The following QKI variants were observed in gnomAD, a reference collection of about 807,000 sequenced individuals.
QKI encodes the protein KH domain-containing RNA-binding protein QKI.
QKI carries 10 observed loss-of-function variants against 39.0 expected under a neutral mutation model. The ratio of observed to expected loss-of-function variants is 0.26; its 90% CI spans 0.16 to 0.43. The LOEUF (loss-of-function observed/expected upper bound fraction) is 0.43, where lower values mean the gene tolerates loss of function less well. QKI is among the 20% of genes least tolerant of loss of function. The pLI is 1.00. For missense variants in QKI, 218 were observed against 428.0 expected (o/e 0.51, Z 4.33); for synonymous variants, 204 against 155.4 (o/e 1.31, Z -2.33).
rs1210349402 is a variant in QKI, at chr6:163,575,594, A to G, written c.*4884A>G. The G allele has an allele frequency of 6.6e-6, 1 of 152,204 alleles. No individual in the cohort carries two copies. Among genetic ancestry groups the G allele is most frequent in the East Asian group, 1.9e-4 (1 of 5,198 alleles). 9.4% of individuals were successfully genotyped at this position (152,204 alleles called of 1,614,324 possible). ...ACTTAACATGAAAGTAGTTACTCCC[A>G]TACGCACCAGTGCAGTAGCTCCAGG... On this transcript the variant is annotated 3_prime_UTR_variant, in exon 8 of 8. Coordinates refer to ENST00000361752, the MANE Select transcript of QKI (RefSeq NM_006775.3).
chr6:163,564,603 T>C, intron 6 of QKI: 16 of 1,610,354 alleles, frequency 9.9e-6, no homozygotes, highest in Non-Finnish European at 1.4e-5. Flanking sequence ...TATAAACGCT[T>C]GGTTTTACAT....
At chr6:163,508,205 G>GAA (rs201473017) in intron 3 of QKI, among the ~76,000 whole-genome samples, 2 of 151,618 alleles carry the variant, frequency 1.3e-5, no homozygotes, top group Admixed American at 1.3e-4. Flanking sequence ...AAATAAGACT[G>GAA]AAAAAAAATA....
chr6:163,431,107 G>A (rs1229734266), intron 1 of QKI, among the ~76,000 whole-genome samples: 1 of 152,076 alleles, frequency 6.6e-6, no homozygotes, highest in African/African-American at 2.4e-5. Context: ...GTGGAGGCAG[G>A]TTTAAACAAT....
At position 163,478,847 on chromosome 6, in the gene QKI, G is replaced by C. The variant is rs757904409; in HGVS notation, c.353G>C (p.Gly118Ala). The C allele has an allele frequency of 9.9e-5, 159 of 1,613,270 alleles. No individual in the cohort carries two copies. The highest frequency in any genetic ancestry group is 1.3e-4 in the Non-Finnish European group (158 of 1,179,750). The change falls in exon 3 of 8, where the codon GGA becomes GCA. Residue 118 changes from glycine to alanine, a missense_variant. Coordinates refer to ENST00000361752, the MANE Select transcript of QKI (RefSeq NM_006775.3). ...LTAKQLEAETGCKIMVRGKGS... is the reference protein window; with the variant it reads ...LTAKQLEAETACKIMVRGKGS... ...GCCAAACAACTTGAAGCAGAAACCGGATGTAAAATCATGGTCCGAGGCAAA... is the reference window on the plus strand; with the variant it reads ...GCCAAACAACTTGAAGCAGAAACCGCATGTAAAATCATGGTCCGAGGCAAA...
Position 163,419,121 on chromosome 6 carries a change from T to C in QKI, c.142+3786T>C, listed in dbSNP as rs548153927. Reference sequence around the variant, plus strand: ...CATTTTCTGATGGTCTTTTTGTGTTTACAGTAAACTTTCTGTCTGACCTCA... The same window carrying C: ...CATTTTCTGATGGTCTTTTTGTGTTCACAGTAAACTTTCTGTCTGACCTCA... On this transcript the variant is annotated intron_variant, in intron 1 of 7. Transcript: ENST00000361752. 2.6e-5 allele frequency among the ~76,000 whole-genome samples: 4 copies of C among 152,288 alleles called. No homozygotes were observed. The South Asian group carries it at 8.3e-4, about 32-fold the overall frequency.
chr6:163,499,394 G>T (rs2128231052), intron 3 of QKI, among the ~76,000 whole-genome samples: 1 of 152,272 alleles, frequency 6.6e-6, no homozygotes, highest in East Asian at 1.9e-4. Context: ...GATAGTCATT[G>T]ACTCATCACT....
At chr6:163,499,131 C>G (rs558452202) in intron 3 of QKI, among the ~76,000 whole-genome samples, 1 of 152,102 alleles carries the variant, frequency 6.6e-6, no homozygotes, top group South Asian at 2.1e-4. Flanking sequence ...CATTTTGAAG[C>G]GTTTTGTTTT....
chr6:163,434,075 T>G (rs1466256430), intron 1 of QKI, among the ~76,000 whole-genome samples: 1 of 150,040 alleles, frequency 6.7e-6, no homozygotes, highest in Non-Finnish European at 1.5e-5. Flanking sequence ...TTCAACAAAC[T>G]TTTTTTTTTA....
intron 3 of QKI, among the ~76,000 whole-genome samples, chr6:163,518,130 T>C (rs1779942029): frequency 6.6e-6 from 1 of 152,190 alleles, no homozygotes; most frequent in South Asian, 2.1e-4. Flanking sequence ...TTGTGTAATC[T>C]AGAGAGATGT....
At position 163,522,397 on chromosome 6, in the gene QKI, A is replaced by C. The variant is rs2294705; in HGVS notation, c.403-12585A>C. On this transcript the variant is annotated intron_variant, in intron 3 of 7. Coordinates refer to ENST00000361752, the MANE Select transcript of QKI (RefSeq NM_006775.3). ...AATGAATACGTGAGTGAGTTGCTCA[A>C]GATTACAGGGGCACTGAAATAAGAC... Among the ~76,000 whole-genome samples, 525 of 152,292 alleles carry C rather than the reference A, an allele frequency of 3.4e-3. 25 individuals carry two copies. In the East Asian group the frequency reaches 0.095, roughly 28 times the overall value.
intron 3 of QKI, among the ~76,000 whole-genome samples, chr6:163,525,065 T>G (rs1292646507): frequency 6.6e-6 from 1 of 152,186 alleles, no homozygotes; most frequent in Non-Finnish European, 1.5e-5. Context: ...AAATGAATAT[T>G]AAACATTCGC....
chr6:163,479,002 C>T, intron 3 of QKI, 106 bp downstream of exon 3: 2 of 968,158 alleles, frequency 2.1e-6, no homozygotes, highest in South Asian at 3.4e-5. Flanking sequence ...CACTATATTC[C>T]AGGCCGGGCG....
At chr6:163,541,835 A>G (rs1184058591) in intron 4 of QKI, among the ~76,000 whole-genome samples, 1 of 151,908 alleles carries the variant, frequency 6.6e-6, no homozygotes, top group Admixed American at 6.6e-5. Flanking sequence ...TTCTATAAAG[A>G]TAGTACCAAG....
intron 3 of QKI, among the ~76,000 whole-genome samples, chr6:163,504,482 A>G (rs964971491): frequency 3.9e-5 from 6 of 152,134 alleles, no homozygotes; most frequent in South Asian, 2.1e-4. Flanking sequence ...GATTTTTCCA[A>G]TCCATGAGCG....
intron 2 of QKI, among the ~76,000 whole-genome samples, chr6:163,475,417 G>C (rs1792511169): frequency 6.6e-6 from 1 of 152,154 alleles, no homozygotes; most frequent in Non-Finnish European, 1.5e-5. Context: ...GGTATTTTAA[G>C]TAATCTAAAG....
At chr6:163,542,198 G>C (rs7739152) in intron 4 of QKI, among the ~76,000 whole-genome samples, 13,331 of 151,888 alleles carry the variant, frequency 0.088, 1,007 homozygotes, top group African/African-American at 0.2. Context: ...TCTCCACACA[G>C]GAGCACACAT....
At chr6:163,514,368 AATTT>A (rs1779666844) in intron 3 of QKI, among the ~76,000 whole-genome samples, 1 of 152,150 alleles carries the variant, frequency 6.6e-6, no homozygotes. Flanking sequence ...AACTGATAAT[AATTT>A]ATTTATCTTA....
At chr6:163,482,007 C>A (rs758672537) in intron 3 of QKI, among the ~76,000 whole-genome samples, 3 of 152,002 alleles carry the variant, frequency 2.0e-5, no homozygotes, top group Non-Finnish European at 4.4e-5. Context: ...AGTGAGACCC[C>A]CATCTCTACA....
At chr6:163,566,401 G>T in intron 6 of QKI, 1 of 1,223,646 alleles carries the variant, frequency 8.2e-7, no homozygotes, top group Non-Finnish European at 1.0e-6. Flanking sequence ...TGCAAGAAAG[G>T]CACTTCAGTG....
Sources: allele counts gnomAD v4.1 joint callset (sites outside exome capture counted in the v4.1 genomes callset), GRCh38; gene constraint gnomAD v4.1.1; transcripts MANE v1.5; gene names NCBI Gene and HGNC (gene_info 2026-07-23, HGNC 2026-07-21).